LRATD1: variants seen among roughly 807,000 people sequenced by gnomAD.
LRATD1 encodes LRAT domain containing 1.
LRATD1 carries 8 observed loss-of-function variants against 21.3 expected under a neutral mutation model. The observed-to-expected ratio is 0.38, with a 90% CI of 0.22 to 0.68. The LOEUF (loss-of-function observed/expected upper bound fraction) is 0.68, where lower values mean the gene tolerates loss of function less well. LRATD1 is among the 30% of genes least tolerant of loss of function. The probability of loss-of-function intolerance (pLI) is 0.54; values close to 1 mark genes in which losing one functional copy is unlikely to be tolerated. For synonymous variants in LRATD1, 210 were observed against 186.2 expected, an observed-to-expected ratio of 1.13 and a Z score of -1.04; for missense variants, 380 against 404.0, an observed-to-expected ratio of 0.94 and a Z score of 0.51.
chr2:14,650,133 T>G (rs1671980447), downstream of LRATD1: 2 of 152,216 alleles, frequency 1.3e-5, no homozygotes, highest in Admixed American at 1.3e-4. Context: ...AATGTTGGTT[T>G]AAGAGTTGTC....
At chr2:14,649,401 G>A (rs1210531501) in exon 5 of LRATD1, 4 of 455,998 alleles carry the variant, frequency 8.8e-6, no homozygotes, top group South Asian at 1.6e-5. Flanking sequence ...GGACCCCCTC[G>A]ACCTGGGTGA....
In LRATD1 at chr2:14,634,465, C is replaced by T. The variant is rs766026918; in HGVS notation, c.486C>T (p.Arg162=). 6.6e-7 allele frequency: 1 copy of T among 1,520,090 alleles called. No homozygotes were observed. The highest frequency in any genetic ancestry group is 8.8e-7 in the Non-Finnish European group (1 of 1,136,222). 94.2% of individuals were successfully genotyped at this position (1,520,090 alleles called of 1,614,324 possible). The change falls in exon 2 of 2, where the codon CGC becomes CGT. Residue 162 remains arginine, a synonymous_variant. Coordinates refer to ENST00000295092, the MANE Select transcript of LRATD1 (RefSeq NM_145175.4). ...TCCACCTGCACCAAGGCGAGATCCG[C>T]CAGGACAGCCTGTATGAGGCGGGCG... ...QIIHLHQGEI[R]QDSLYEAGAA... is the part of the protein sequence containing the mutation.
Position 14,635,267 on chromosome 2 carries a change from G to A in LRATD1, c.*409G>A, listed in dbSNP as rs1032335123. 2.0e-5 allele frequency: 10 copies of A among 505,390 alleles called. No individual in the cohort carries two copies. The highest frequency in any genetic ancestry group is 3.2e-5 in the Non-Finnish European group (8 of 250,306). 31.3% of individuals were successfully genotyped at this position (505,390 alleles called of 1,614,324 possible). A position where few individuals can be genotyped will look rare whatever the true frequency, so the allele number is the denominator to read the frequency against. On this transcript the variant is annotated 3_prime_UTR_variant, in exon 2 of 2. Coordinates refer to ENST00000295092, the MANE Select transcript of LRATD1 (RefSeq NM_145175.4). ...TCTCAAAAGGGACCATCACCGCCCC[G>A]AGCGTGCGCACACAGACCGGTCGGA...
intron 5 of LRATD1, chr2:14,649,500 A>G (rs1358238567): frequency 2.6e-6 from 1 of 388,350 alleles, no homozygotes; most frequent in African/African-American, 2.1e-5. Context: ...GCCGGGTGAA[A>G]TATCAGGAGA....
chr2:14,642,774 T>C (rs745493643), downstream of LRATD1, among the ~76,000 whole-genome samples: 21 of 152,130 alleles, frequency 1.4e-4, no homozygotes, highest in Non-Finnish European at 2.4e-4. Flanking sequence ...TAATTTGAAA[T>C]GCAATTGAGC....
chr2:14,634,083 ACTT>A lies in LRATD1; in HGVS notation c.110_112del (p.Phe37del), dbSNP rs1370404332. On this transcript the variant is annotated inframe_deletion, in exon 2 of 2. Transcript: ENST00000295092. ...GACGAACTGCGGGTCGGGGTTGCCT[ACTT>A]CTTCTCGGATGATGAGGAAGACCTG... 1.9e-6 allele frequency: 3 copies of A among 1,614,040 alleles called. No homozygotes were observed. Among genetic ancestry groups the A allele is most frequent in the African/African-American group, 1.3e-5 (1 of 75,020 alleles).
chr2:14,633,771 C>A lies in LRATD1; in HGVS notation c.-36-173C>A. 3.1e-6 allele frequency: 2 copies of A among 646,034 alleles called. No homozygotes were observed. The highest frequency in any genetic ancestry group is 2.6e-6 in the Non-Finnish European group (1 of 380,846). 40.0% of individuals were successfully genotyped at this position (646,034 alleles called of 1,614,324 possible). A position where few individuals can be genotyped will look rare whatever the true frequency, so the allele number is the denominator to read the frequency against. ...GCTCTCGCCTGACCTGTGGCGGCTT[C>A]TCCGCCCCTCGTACCCCTGGGGAGG... On this transcript the variant is annotated intron_variant, in intron 1 of 1. Coordinates refer to ENST00000295092, the MANE Select transcript of LRATD1 (RefSeq NM_145175.4). The surrounding 1 kb of genome is among the most constrained non-coding windows in gnomAD (Gnocchi z 7.5).
chr2:14,634,027 G>A lies in LRATD1; in HGVS notation c.48G>A (p.Leu16=). Residue 16 remains leucine, a synonymous_variant, in exon 2 of 2, where the codon TTG becomes TTA. Coordinates refer to ENST00000295092, the MANE Select transcript of LRATD1 (RefSeq NM_145175.4). ...TCACCCACCTCAACTACAGCGAGTT[G>A]CCCACAGGGGACCCGTCGGGGATTG... ...DRITHLNYSE[L]PTGDPSGIEK... 6.2e-7 allele frequency: 1 copy of A among 1,614,068 alleles called. No homozygotes were observed. The highest frequency in any genetic ancestry group is 8.5e-7 in the Non-Finnish European group (1 of 1,180,030).
At chr2:14,643,722 A>T (rs1239653496), downstream of LRATD1, among the ~76,000 whole-genome samples, 3 of 152,156 alleles carry the variant, frequency 2.0e-5, no homozygotes, top group Non-Finnish European at 4.4e-5. Flanking sequence ...AACAGCTAAA[A>T]CTGGCCAAAT....
Position 14,635,991 on chromosome 2 carries a change from A to G in LRATD1, c.*1133A>G, listed in dbSNP as rs1671680891. 4.3e-6 allele frequency: 1 copy of G among 231,972 alleles called. No individual in the cohort carries two copies. Among genetic ancestry groups the G allele is most frequent in the South Asian group, 7.5e-5 (1 of 13,340 alleles). The allele number at this position is 231,972 out of a possible 1,614,324, so 14.4% of individuals were successfully genotyped here. A position where few individuals can be genotyped will look rare whatever the true frequency, so the allele number is the denominator to read the frequency against. The stretch of plus-strand genomic sequence containing the variant: ...GCCTATCGTGTTGATGTTTTTATTG[A>G]CCATTTTAGCAACAGGCTAATAAAA... On this transcript the variant is annotated 3_prime_UTR_variant, in exon 2 of 2. Transcript: ENST00000295092.
In LRATD1 at chr2:14,634,861, G is replaced by T. The variant is rs1227175749; in HGVS notation, c.*3G>T. On this transcript the variant is annotated 3_prime_UTR_variant, in exon 2 of 2. Coordinates refer to ENST00000295092, the MANE Select transcript of LRATD1 (RefSeq NM_145175.4). ...ACCTCGTGGACGACAAGGAGTAGCCGCCTAGGGGCTGCCGGCCCCTCTGCC... is the reference window on the plus strand; with the variant it reads ...ACCTCGTGGACGACAAGGAGTAGCCTCCTAGGGGCTGCCGGCCCCTCTGCC... 6.2e-7 allele frequency: 1 copy of T among 1,605,992 alleles called. No individual in the cohort carries two copies. The highest frequency in any genetic ancestry group is 8.5e-7 in the Non-Finnish European group (1 of 1,175,100).
chr2:14,644,872 T>G (rs1422689148), downstream of LRATD1, among the ~76,000 whole-genome samples: 1 of 152,168 alleles, frequency 6.6e-6, no homozygotes, highest in African/African-American at 2.4e-5. Flanking sequence ...AACTATCAGA[T>G]GCAGTGTGCA....
intron 4 of LRATD1, among the ~76,000 whole-genome samples, chr2:14,648,612 G>A (rs914215743): frequency 4.6e-5 from 7 of 152,192 alleles, no homozygotes; most frequent in African/African-American, 1.7e-4. Context: ...TCAAACCCCT[G>A]TAAACACTTG....
At position 14,634,188 on chromosome 2, in the gene LRATD1, G is replaced by A. The variant is rs1290588911; in HGVS notation, c.209G>A (p.Arg70His). Residue 70 changes from arginine (R) to histidine (H), a missense_variant, in exon 2 of 2, where the codon CGC (arginine) becomes CAC (histidine). Transcript: ENST00000295092. ...ACCCCCTGCCCGGAGAGCCCCAGCC[G>A]CCACCACCACCACCTGCTGCACCAG... ...GCTPCPESPS[R>H]HHHHLLHQLV... 1 of 1,613,018 alleles carries A rather than the reference G, an allele frequency of 6.2e-7. No individual in the cohort carries two copies.
chr2:14,634,905 C>G lies in LRATD1; in HGVS notation c.*47C>G. The G allele has an allele frequency of 6.4e-7, 1 of 1,564,016 alleles. No homozygotes were observed. The highest frequency in any genetic ancestry group is 8.7e-7 in the Non-Finnish European group (1 of 1,153,782). On this transcript the variant is annotated 3_prime_UTR_variant, in exon 2 of 2. Transcript: ENST00000295092. Reference sequence around the variant, plus strand: ...CTCTGCCTCCCCCGCACCTCGCTCCCTTCCCTTCCCCGCACCCGGACTTCG... The same window carrying G: ...CTCTGCCTCCCCCGCACCTCGCTCCGTTCCCTTCCCCGCACCCGGACTTCG...
downstream of LRATD1, among the ~76,000 whole-genome samples, chr2:14,642,394 AT>A (rs1671822525): frequency 1.3e-5 from 2 of 152,098 alleles, no homozygotes; most frequent in South Asian, 4.1e-4. Context: ...TGGTCATTTA[AT>A]TTCTGCCCAG....
At position 14,634,833 on chromosome 2, in the gene LRATD1, C is replaced by T. The variant is rs138567856; in HGVS notation, c.854C>T (p.Ala285Val). 2.8e-5 allele frequency: 45 copies of T among 1,609,302 alleles called. No individual in the cohort carries two copies. Among genetic ancestry groups the T allele is most frequent in the Non-Finnish European group, 3.6e-5 (42 of 1,177,216 alleles). ...CGCCTGCGAGTGCTCCAGGAGCTCG[C>T]CGACCTCGTGGACGACAAGGAGTAG... ...SGRLRVLQEL[A>V]DLVDDKE The change falls in exon 2 of 2, where the codon GCC (alanine) becomes GTC (valine). Residue 285 changes from alanine to valine, a missense_variant. By Grantham distance (64) the Ala-to-Val change is moderately conservative. Transcript: ENST00000295092.
Position 14,633,743 on chromosome 2 carries a change from T to C in LRATD1, c.-36-201T>C. 1.8e-6 allele frequency: 1 copy of C among 553,620 alleles called. No homozygotes were observed. The highest frequency in any genetic ancestry group is 3.1e-5 in the Admixed American group (1 of 32,336). The allele number at this position is 553,620 out of a possible 1,614,324, so 34.3% of individuals were successfully genotyped here. On this transcript the variant is annotated intron_variant, in intron 1 of 1. Transcript: ENST00000295092. The surrounding 1 kb of genome is among the most constrained non-coding windows in gnomAD (Gnocchi z 7.5). ...AGGGGTCGGAGGCTGTGTGGTGGCG[T>C]CTGCTCTCGCCTGACCTGTGGCGGC...
rs986380485 is a variant in LRATD1 at position 14,632,943 on chromosome 2, G to GAGA, written c.-37+9_-37+11dup. 4 of 152,550 alleles carry GAGA rather than the reference G, an allele frequency of 2.6e-5. No individual in the cohort carries two copies. Among genetic ancestry groups the GAGA allele is most frequent in the African/African-American group, 9.6e-5 (4 of 41,466 alleles). 9.4% of individuals were successfully genotyped at this position (152,550 alleles called of 1,614,324 possible). A position where few individuals can be genotyped will look rare whatever the true frequency, so the allele number is the denominator to read the frequency against. The stretch of plus-strand genomic sequence containing the variant: ...CGGGAGCAGGGAAATCACGGGTAGG[G>GAGA]AGAAGCGGCTTTCTTTGCCTTGGAA... On this transcript the variant is annotated splice_region_variant and intron_variant, in intron 1 of 1. Coordinates refer to ENST00000295092, the MANE Select transcript of LRATD1 (RefSeq NM_145175.4).
Sources: gnomAD v4.1 joint callset for allele counts (sites outside exome capture counted in the v4.1 genomes callset) on GRCh38, gnomAD v4.1.1 for gene constraint, Gnocchi (gnomAD v3.1) non-coding constraint, MANE v1.5 for transcripts, NCBI Gene and HGNC (gene_info 2026-07-23, HGNC 2026-07-21) for gene names.